Variants in CD247 observed in about 807,000 individuals in gnomAD.
The protein encoded by CD247 is T-cell surface glycoprotein CD3 zeta chain.
In CD247, 13 loss-of-function variants were observed where a neutral mutation model predicts 30.0. The ratio of observed to expected loss-of-function variants is 0.43; its 90% CI spans 0.28 to 0.69. CD247 has a LOEUF of 0.69. Ranked by LOEUF, CD247 falls within the 30% of genes least tolerant of loss-of-function variation. The pLI is 0.16. For missense variants in CD247, 193 were observed against 212.6 expected (o/e 0.91, Z 0.57); for synonymous variants, 72 against 80.0 (o/e 0.90, Z 0.53).
At chr1:167,443,441 A>G (rs576176281) in intron 1 of CD247, among the ~76,000 whole-genome samples, 10 of 152,332 alleles carry the variant, frequency 6.6e-5, no homozygotes, top group Admixed American at 5.9e-4. Flanking sequence ...GGGACAAGCC[A>G]GCCCCCATGA....
chr1:167,483,625 G>C (rs1654068263), intron 1 of CD247, among the ~76,000 whole-genome samples: 1 of 152,240 alleles, frequency 6.6e-6, no homozygotes. Context: ...CAGAGGCTCA[G>C]AGAGATTAAC....
At chr1:167,501,438 T>C (rs1453168305) in intron 1 of CD247, among the ~76,000 whole-genome samples, 2 of 152,212 alleles carry the variant, frequency 1.3e-5, no homozygotes, top group African/African-American at 4.8e-5. Flanking sequence ...TCCCTGTACA[T>C]CTGTCTGGCC....
chr1:167,477,787 C>G (rs1653812792), intron 1 of CD247, among the ~76,000 whole-genome samples: 1 of 152,230 alleles, frequency 6.6e-6, no homozygotes, highest in Non-Finnish European at 1.5e-5. Flanking sequence ...CCTTGGCCTC[C>G]CAAAGTGCTG....
chr1:167,498,157 C>T (rs962307444), intron 1 of CD247, among the ~76,000 whole-genome samples: 2 of 152,204 alleles, frequency 1.3e-5, no homozygotes, highest in Non-Finnish European at 2.9e-5. Flanking sequence ...TTGCTGCTCC[C>T]GTCAAGAAGT....
At position 167,433,323 on chromosome 1, in the gene CD247, A is replaced by G. The variant is rs542096092; in HGVS notation, c.394-264T>C. 3.3e-5 allele frequency among the ~76,000 whole-genome samples: 5 copies of G among 152,330 alleles called. No homozygotes were observed. In the East Asian group the frequency reaches 9.7e-4, roughly 29 times the overall value. On this transcript the variant is annotated intron_variant, in intron 6 of 7. Coordinates refer to ENST00000362089, the MANE Select transcript of CD247 (RefSeq NM_198053.3). Reference sequence around the variant, plus strand: ...CACAGACATCAGATTCCTAAGGTCTAGGGCCCGCAGGACCTATATTGCCTA... The same window carrying G: ...CACAGACATCAGATTCCTAAGGTCTGGGGCCCGCAGGACCTATATTGCCTA...
At position 167,440,817 on chromosome 1, in the gene CD247, C is replaced by T. The variant is rs367696578; in HGVS notation, c.59-50G>A. On this transcript the variant is annotated intron_variant, in intron 1 of 7. Transcript: ENST00000362089. ...AGCCAGGCCCAAGGTGACGAGAACA[C>T]ATCCCCATTACCCCAGGGTGGCACT... is the stretch of plus-strand genomic sequence containing the variant. The T allele has an allele frequency of 6.0e-6, 7 of 1,175,924 alleles. No homozygotes were observed. In the African/African-American group the frequency reaches 6.0e-5, roughly 10 times the overall value. The allele number at this position is 1,175,924 out of a possible 1,614,324, so 72.8% of individuals were successfully genotyped here.
At chr1:167,492,161 A>T (rs1467747366) in intron 1 of CD247, among the ~76,000 whole-genome samples, 1 of 152,228 alleles carries the variant, frequency 6.6e-6, no homozygotes, top group Non-Finnish European at 1.5e-5. Flanking sequence ...AAAAAAACAA[A>T]CAAACAAAAA....
chr1:167,438,075 CAA>C (rs1440656535), intron 4 of CD247, among the ~76,000 whole-genome samples: 1 of 151,826 alleles, frequency 6.6e-6, no homozygotes, highest in Non-Finnish European at 1.5e-5. Context: ...GGGGAAAAAA[CAA>C]AGAGGACCCT....
chr1:167,487,446 C>T (rs1052690253), intron 1 of CD247, among the ~76,000 whole-genome samples: 6 of 152,156 alleles, frequency 3.9e-5, no homozygotes, highest in South Asian at 2.1e-4. Flanking sequence ...CAGCTGATGC[C>T]CCTTCCTCCA....
In CD247 at chr1:167,438,603, T is replaced by C. The variant is rs188955514; in HGVS notation, c.267A>G (p.Arg89=). The change falls in exon 4 of 8, where the codon AGA becomes AGG. Residue 89 remains arginine (R), a synonymous_variant. Coordinates refer to ENST00000362089, the MANE Select transcript of CD247 (RefSeq NM_198053.3). Reference sequence around the variant, plus strand: ...CCCCCATCTCAGGGTCCCGGCCACGTCTCTTGTCCAAAACATCGTACTCCT... The same window carrying C: ...CCCCCATCTCAGGGTCCCGGCCACGCCTCTTGTCCAAAACATCGTACTCCT... ...RREEYDVLDK[R]RGRDPEMGGK... is the part of the protein sequence containing the mutation. 1.9e-6 allele frequency: 3 copies of C among 1,614,014 alleles called. No homozygotes were observed. The Admixed American group carries it at 5.0e-5, about 27-fold the overall frequency.
At chr1:167,453,389 C>G (rs186000862) in intron 1 of CD247, among the ~76,000 whole-genome samples, 1 of 152,116 alleles carries the variant, frequency 6.6e-6, no homozygotes, top group Non-Finnish European at 1.5e-5. Context: ...TTCTTTCTCA[C>G]GCAGCACACT....
intron 1 of CD247, among the ~76,000 whole-genome samples, chr1:167,490,897 C>T (rs1654417946): frequency 6.6e-6 from 1 of 151,838 alleles, no homozygotes; most frequent in African/African-American, 2.4e-5. Flanking sequence ...GAGATCACAC[C>T]ACTACATTCC....
chr1:167,463,596 C>T (rs1234466611), intron 1 of CD247, among the ~76,000 whole-genome samples: 1 of 152,158 alleles, frequency 6.6e-6, no homozygotes, highest in Non-Finnish European at 1.5e-5. Flanking sequence ...ACATTTCAGC[C>T]TCCAATTTAG....
intron 1 of CD247, among the ~76,000 whole-genome samples, chr1:167,467,568 G>A (rs190993216): frequency 6.6e-6 from 1 of 152,340 alleles, no homozygotes; most frequent in East Asian, 1.9e-4. Flanking sequence ...ACTAGGGCAG[G>A]TTGGTGCAGA....
chr1:167,511,251 A>G (rs566802793), intron 1 of CD247, among the ~76,000 whole-genome samples: 2 of 152,128 alleles, frequency 1.3e-5, no homozygotes, highest in Non-Finnish European at 2.9e-5. Context: ...TTCACACCAT[A>G]TGGAGATCCA....
intron 1 of CD247, among the ~76,000 whole-genome samples, chr1:167,479,574 G>C (rs1266076993): frequency 6.6e-6 from 1 of 152,176 alleles, no homozygotes; most frequent in African/African-American, 2.4e-5. Flanking sequence ...GTTCAGGTTT[G>C]TTTTTGCATC....
In CD247 at chr1:167,474,872, C is replaced by A. The variant is rs187910980; in HGVS notation, c.59-34105G>T. ...AGTTCAAGCGATTCTCCTGCCTCAG[C>A]CTCCCGAGTAGCTGGGATTACAGGC... On this transcript the variant is annotated intron_variant, in intron 1 of 7. Transcript: ENST00000362089. Among the ~76,000 whole-genome samples, 138 of 151,648 alleles carry A rather than the reference C, an allele frequency of 9.1e-4. 1 individual carries two copies. The East Asian group carries it at 0.024, about 26-fold the overall frequency.
intron 1 of CD247, among the ~76,000 whole-genome samples, chr1:167,471,521 G>A (rs1405524752): frequency 2.0e-5 from 3 of 152,182 alleles, no homozygotes; most frequent in Non-Finnish European, 4.4e-5. Flanking sequence ...TAGTAGCAAT[G>A]TTGAACATTT....
chr1:167,490,350 C>A (rs1316531416), intron 1 of CD247, among the ~76,000 whole-genome samples: 1 of 152,208 alleles, frequency 6.6e-6, no homozygotes, highest in Non-Finnish European at 1.5e-5. Flanking sequence ...TGAGGCCGGG[C>A]GCGGTGGCTC....
Sources: gnomAD v4.1 joint callset for allele counts (sites outside exome capture counted in the v4.1 genomes callset) on GRCh38, gnomAD v4.1.1 for gene constraint, MANE v1.5 for transcripts, NCBI Gene and HGNC (gene_info 2026-07-23, HGNC 2026-07-21) for gene names.